SDCCAG8: variants seen among roughly 807,000 people sequenced by gnomAD.
SDCCAG8 encodes SHH signaling and ciliogenesis regulator SDCCAG8.
SDCCAG8 carries 74 observed loss-of-function variants against 101.8 expected under a neutral mutation model. That is an observed-to-expected ratio of 0.73 (90% CI 0.60 to 0.88). The LOEUF (loss-of-function observed/expected upper bound fraction) is 0.88. SDCCAG8 is among the 40% of genes least tolerant of loss of function. The pLI, the probability that SDCCAG8 is intolerant of heterozygous loss-of-function variation, is 0.00. For missense variants in SDCCAG8, 787 were observed against 822.6 expected, an observed-to-expected ratio of 0.96 and a Z score of 0.53; for synonymous variants, 281 against 292.9, an observed-to-expected ratio of 0.96 and a Z score of 0.41.
intron 12 of SDCCAG8, 82 bp from the exon 13 acceptor site, chr1:243,378,639 G>A (rs1328808736): frequency 1.4e-6 from 2 of 1,459,404 alleles, no homozygotes; most frequent in Non-Finnish European, 1.9e-6. Flanking sequence ...TGAAATTCAT[G>A]GCAAAAAATA....
intron 1 of SDCCAG8, among the ~76,000 whole-genome samples, chr1:243,261,301 T>C (rs924209170): frequency 2.0e-5 from 3 of 152,106 alleles, no homozygotes; most frequent in Admixed American, 6.5e-5. Flanking sequence ...ATCATTAATG[T>C]TCCTTCCATC....
chr1:243,297,869 C>T (rs1190232985), intron 6 of SDCCAG8, among the ~76,000 whole-genome samples: 1 of 152,020 alleles, frequency 6.6e-6, no homozygotes, highest in Non-Finnish European at 1.5e-5. Context: ...TATATATTCC[C>T]ACTCTGTGGC....
chr1:243,353,564 T>TTAGA (rs1471984241), intron 12 of SDCCAG8, among the ~76,000 whole-genome samples: 1 of 145,302 alleles, frequency 6.9e-6, no homozygotes, highest in Non-Finnish European at 1.5e-5. Context: ...ATTTATTTGG[T>TTAGA]TAGAAGGTTC....
chr1:243,324,954 C>G (rs991973065), intron 9 of SDCCAG8, among the ~76,000 whole-genome samples: 2 of 152,208 alleles, frequency 1.3e-5, no homozygotes, highest in African/African-American at 4.8e-5. Flanking sequence ...TATGAAGTAT[C>G]TGTTCAATCT....
At chr1:243,407,605 G>C (rs1262834362) in intron 13 of SDCCAG8, among the ~76,000 whole-genome samples, 1 of 152,122 alleles carries the variant, frequency 6.6e-6, no homozygotes, top group Non-Finnish European at 1.5e-5. Context: ...AAATTATTTT[G>C]GAGATACTGT....
intron 12 of SDCCAG8, among the ~76,000 whole-genome samples, chr1:243,363,357 C>A (rs1307484315): frequency 6.6e-6 from 1 of 152,174 alleles, no homozygotes; most frequent in African/African-American, 2.4e-5. Context: ...AACCATGTGA[C>A]AGAAGCTTGC....
intron 8 of SDCCAG8, among the ~76,000 whole-genome samples, chr1:243,316,259 A>T (rs2149330761): frequency 6.6e-6 from 1 of 152,346 alleles, no homozygotes; most frequent in East Asian, 1.9e-4. Context: ...GAAAGAATGT[A>T]ATTGAAAGAG....
chr1:243,377,279 T>G (rs2077653334), intron 12 of SDCCAG8, among the ~76,000 whole-genome samples: 1 of 152,068 alleles, frequency 6.6e-6, no homozygotes, highest in Non-Finnish European at 1.5e-5. Flanking sequence ...TGTATTTCTT[T>G]GCTTTTGTTA....
chr1:243,257,287 T>C (rs1558190503), intron 1 of SDCCAG8, among the ~76,000 whole-genome samples: 1 of 152,220 alleles, frequency 6.6e-6, no homozygotes, highest in East Asian at 1.9e-4. Context: ...CATAAGCCTC[T>C]AGGTCATGAC....
rs554905673 is a variant in SDCCAG8, at chr1:243,305,034, C to T, written c.740+257C>T. ...TAGAAATAAGAATCACGGCCGGGCG[C>T]GGTGGCTCACGCCTGTAATCCCAGC... On this transcript the variant is annotated intron_variant, in intron 7 of 17. Transcript: ENST00000366541. 1.7e-4 allele frequency: 71 copies of T among 409,746 alleles called. 1 individual carries two copies. Among genetic ancestry groups the T allele is most frequent in the African/African-American group, 2.9e-4 (14 of 47,974 alleles). 25.4% of individuals were successfully genotyped at this position (409,746 alleles called of 1,614,324 possible). A position where few individuals can be genotyped will look rare whatever the true frequency, so the allele number is the denominator to read the frequency against.
At chr1:243,302,932 C>T (rs2071681290) in intron 6 of SDCCAG8, among the ~76,000 whole-genome samples, 1 of 152,178 alleles carries the variant, frequency 6.6e-6, no homozygotes, top group Non-Finnish European at 1.5e-5. Flanking sequence ...CCATGAAAGT[C>T]ATCAAACCCA....
At chr1:243,398,882 G>A (rs1279850772) in intron 13 of SDCCAG8, among the ~76,000 whole-genome samples, 4 of 152,170 alleles carry the variant, frequency 2.6e-5, no homozygotes, top group African/African-American at 9.7e-5. Context: ...TTTGAATGAA[G>A]GGATAACAAG....
chr1:243,330,740 TATG>T (rs2074528620), intron 10 of SDCCAG8, 48 bp downstream of exon 10: 1 of 1,594,632 alleles, frequency 6.3e-7, no homozygotes, highest in Non-Finnish European at 8.6e-7. Context: ...AAAGGTTTTT[TATG>T]ATGCCATTGA....
intron 6 of SDCCAG8, among the ~76,000 whole-genome samples, chr1:243,298,084 T>C (rs1250494253): frequency 2.0e-5 from 3 of 151,046 alleles, no homozygotes. Flanking sequence ...AGTCTCACTC[T>C]GTCACCCAGG....
chr1:243,274,327 G>C (rs2068342988), intron 3 of SDCCAG8, among the ~76,000 whole-genome samples: 2 of 152,144 alleles, frequency 1.3e-5, no homozygotes, highest in Admixed American at 6.5e-5. Context: ...TCCAATGCTG[G>C]GGGCCACATT....
At chr1:243,259,835 C>T (rs993210044) in intron 1 of SDCCAG8, among the ~76,000 whole-genome samples, 7 of 151,868 alleles carry the variant, frequency 4.6e-5, no homozygotes, top group African/African-American at 1.5e-4. Flanking sequence ...AATCCTATCT[C>T]CAAAACAAAC....
intron 13 of SDCCAG8, among the ~76,000 whole-genome samples, chr1:243,410,333 G>T (rs534695906): frequency 6.6e-6 from 1 of 152,272 alleles, no homozygotes; most frequent in Admixed American, 6.5e-5. Context: ...CCAATATTGG[G>T]ACAGGTGTAC....
intron 13 of SDCCAG8, among the ~76,000 whole-genome samples, chr1:243,404,862 CTTTTT>C (rs529062563): frequency 7.3e-6 from 1 of 137,706 alleles, no homozygotes. Context: ...TAGACTTCTT[CTTTTT>C]TTTTTTTTTT....
chr1:243,475,148 G>A (rs1046271891), intron 16 of SDCCAG8, among the ~76,000 whole-genome samples: 1 of 152,198 alleles, frequency 6.6e-6, no homozygotes, highest in Admixed American at 6.5e-5. Context: ...CAGGCCCTGA[G>A]CCCTGTCCTA....
Sources: allele counts gnomAD v4.1 joint callset (sites outside exome capture counted in the v4.1 genomes callset), GRCh38; gene constraint gnomAD v4.1.1; transcripts MANE v1.5; gene names NCBI Gene and HGNC (gene_info 2026-07-23, HGNC 2026-07-21).